The following CRISP2 variants were observed in gnomAD, a reference collection of about 807,000 sequenced individuals.
CRISP2 encodes cysteine-rich secretory protein 2.
Under a neutral mutation model 31.7 loss-of-function variants are expected in CRISP2, and 29 were observed. That is an observed-to-expected ratio of 0.92 (90% CI 0.68 to 1.25). CRISP2 has a LOEUF of 1.25. Ranked by LOEUF, CRISP2 falls within the 50% of genes most tolerant of loss-of-function variation. CRISP2 has a pLI of 0.00. For synonymous variants in CRISP2, 111 were observed against 101.4 expected (o/e 1.09, Z -0.57); for missense variants, 318 against 286.5 (o/e 1.11, Z -0.79).
the CRISP2 span, among the ~76,000 whole-genome samples, chr6:49,683,694 A>AATATAT: frequency 0.018 from 113 of 6,178 alleles, 4 homozygotes; most frequent in South Asian, 0.1. Context: ...AAAAAAAAAA[A>AATATAT]ATATATATAT....
intron 2 of CRISP2, among the ~76,000 whole-genome samples, chr6:49,712,268 T>C (rs373703060): frequency 3.9e-5 from 6 of 152,220 alleles, no homozygotes; most frequent in East Asian, 3.9e-4. Flanking sequence ...GCCAGAATTC[T>C]ATAATAGGCC....
chr6:49,688,237 G>A (rs938687285), downstream of CRISP2, among the ~76,000 whole-genome samples: 1 of 152,170 alleles, frequency 6.6e-6, no homozygotes, highest in Admixed American at 6.5e-5. Flanking sequence ...CATATTTACA[G>A]TTGGAGAAAA....
chr6:49,713,935 C>A (rs190885927), upstream of CRISP2, among the ~76,000 whole-genome samples: 1 of 152,234 alleles, frequency 6.6e-6, no homozygotes, highest in East Asian at 1.9e-4. Context: ...GTTTGCAGTG[C>A]GCTGCCAGTG....
the CRISP2 span, among the ~76,000 whole-genome samples, chr6:49,679,253 T>C: frequency 0.74 from 112,520 of 151,994 alleles, 42,514 homozygotes; most frequent in East Asian, 0.97. Context: ...TCTTTTACAA[T>C]TGATTTTTAA....
chr6:49,700,120 A>G (rs1765418739), intron 5 of CRISP2, among the ~76,000 whole-genome samples: 1 of 152,172 alleles, frequency 6.6e-6, no homozygotes, highest in African/African-American at 2.4e-5. Context: ...ATATGTGATT[A>G]TTTATGATAG....
intron 9 of CRISP2, among the ~76,000 whole-genome samples, chr6:49,694,748 T>A (rs542161730): frequency 1.3e-4 from 19 of 150,098 alleles, no homozygotes; most frequent in African/African-American, 4.3e-4. Context: ...TTCTTTTTTT[T>A]TTTTTTGAGA....
chr6:49,712,750 G>A (rs553729388), intron 1 of CRISP2, 146 bp from the exon 2 acceptor site: 14 of 152,220 alleles, frequency 9.2e-5, no homozygotes, highest in East Asian at 7.7e-4. Context: ...TGATTTCAGC[G>A]TTAAGACCAT....
At chr6:49,678,324 TTG>T in the CRISP2 span, among the ~76,000 whole-genome samples, 1 of 152,088 alleles carries the variant, frequency 6.6e-6, no homozygotes, top group African/African-American at 2.4e-5. Flanking sequence ...ATGAGCAGTG[TTG>T]TGTCCCCATT....
At chr6:49,693,504 T>C (rs1355498352) in intron 9 of CRISP2, among the ~76,000 whole-genome samples, 2 of 152,152 alleles carry the variant, frequency 1.3e-5, no homozygotes, top group Admixed American at 6.6e-5. Flanking sequence ...CCTTTTCCTT[T>C]TGATGTTTCT....
At chr6:49,702,081 A>C (rs1254337455) in intron 4 of CRISP2, among the ~76,000 whole-genome samples, 3 of 106,152 alleles carry the variant, frequency 2.8e-5, no homozygotes, top group African/African-American at 1.0e-4. Flanking sequence ...ATAATGTAAT[A>C]TATATTATAT....
Position 49,698,412 on chromosome 6 carries a change from A to G in CRISP2, c.367T>C (p.Tyr123His), listed in dbSNP as rs1260872846. The G allele has an allele frequency of 6.2e-7, 1 of 1,613,550 alleles. No individual in the cohort carries two copies. The highest frequency in any genetic ancestry group is 1.7e-5 in the Admixed American group (1 of 59,946). ...TTGGGACTCTTTGGTCCTACACCAT[A>G]GACAAAATCTAGGATCTCGTCATAC... is the stretch of plus-strand genomic sequence containing the variant. The part of the protein sequence containing the change: ...SWYDEILDFV[Y>H]GVGPKSPNAV... The change falls in exon 7 of 10, where the codon TAT (tyrosine) becomes CAT (histidine). Residue 123 changes from tyrosine to histidine, a missense_variant. Tyr to His is a moderately conservative substitution (Grantham distance 83). Coordinates refer to ENST00000339139, the MANE Select transcript of CRISP2 (RefSeq NM_003296.4).
At chr6:49,695,526 A>G (rs566016344) in intron 9 of CRISP2, among the ~76,000 whole-genome samples, 2 of 152,260 alleles carry the variant, frequency 1.3e-5, no homozygotes, top group East Asian at 1.9e-4. Context: ...AGTGATATGA[A>G]CTTTGAGAAT....
chr6:49,700,892 A>G, intron 4 of CRISP2, 108 bp from the exon 5 acceptor site: 1 of 664,616 alleles, frequency 1.5e-6, no homozygotes, highest in South Asian at 1.8e-5. Flanking sequence ...AGTGCAAAAT[A>G]GTTATCATGT....
Position 49,692,423 on chromosome 6 carries a change from G to A in CRISP2, c.*350C>T. ...AAACTCAGGTAGTAGGAATGGCAAT[G>A]ATGTTACAGTCTTCTTCTTTAGCAT... On this transcript the variant is annotated 3_prime_UTR_variant, in exon 10 of 10. Coordinates refer to ENST00000339139, the MANE Select transcript of CRISP2 (RefSeq NM_003296.4). 1 of 163,570 alleles carries A rather than the reference G, an allele frequency of 6.1e-6. No individual in the cohort carries two copies. Among genetic ancestry groups the A allele is most frequent in the African/African-American group, 2.4e-5 (1 of 42,092 alleles). 10.1% of individuals were successfully genotyped at this position (163,570 alleles called of 1,614,324 possible).
At chr6:49,700,404 A>T (rs751238468) in intron 5 of CRISP2, among the ~76,000 whole-genome samples, 1 of 152,206 alleles carries the variant, frequency 6.6e-6, no homozygotes, top group African/African-American at 2.4e-5. Flanking sequence ...ATTAACAAAA[A>T]GTGTAATGGC....
Position 49,692,611 on chromosome 6 carries a change from A to T in CRISP2, c.*162T>A. The stretch of plus-strand genomic sequence containing the variant: ...CATCATCTACTATGCTACTTTTGTA[A>T]ATCATTGCCTGAAAGTGATTTCTGT... On this transcript the variant is annotated 3_prime_UTR_variant, in exon 10 of 10. Transcript: ENST00000339139. The T allele has an allele frequency of 1.6e-6, 1 of 631,856 alleles. No homozygotes were observed. Among genetic ancestry groups the T allele is most frequent in the South Asian group, 2.7e-5 (1 of 36,382 alleles). The allele number at this position is 631,856 out of a possible 1,614,324, so 39.1% of individuals were successfully genotyped here.
At position 49,701,529 on chromosome 6, in the gene CRISP2, C is replaced by T. The variant is rs867155029; in HGVS notation, c.67-745G>A. Among the ~76,000 whole-genome samples the T allele has an allele frequency of 3.3e-3, 383 of 115,708 alleles. 9 individuals carry two copies. Among genetic ancestry groups the T allele is most frequent in the African/African-American group, 0.015 (325 of 22,232 alleles). The allele number at this position is 115,708 out of a possible 152,430, so 75.9% of individuals were successfully genotyped here. On this transcript the variant is annotated intron_variant, in intron 4 of 9. Coordinates refer to ENST00000339139, the MANE Select transcript of CRISP2 (RefSeq NM_003296.4). ...ATATATATATATATATATATATACA[C>T]ACACACACACACACAGTATATATAT...
chr6:49,682,631 CT>C, the CRISP2 span, among the ~76,000 whole-genome samples: 12,190 of 89,396 alleles, frequency 0.14, 729 homozygotes, highest in East Asian at 0.19. Flanking sequence ...TTCTTTCTTT[CT>C]TTCTTTCTTT....
At chr6:49,701,860 A>C (rs191728814) in intron 4 of CRISP2, among the ~76,000 whole-genome samples, 1 of 102,028 alleles carries the variant, frequency 9.8e-6, no homozygotes, top group African/African-American at 3.9e-5. Context: ...TATAATATAT[A>C]TTATTATATA....
Sources: allele counts gnomAD v4.1 joint callset (sites outside exome capture counted in the v4.1 genomes callset), GRCh38; gene constraint gnomAD v4.1.1; transcripts MANE v1.5; gene names NCBI Gene and HGNC (gene_info 2026-07-23, HGNC 2026-07-21).